The following MRPS5 variants were observed in gnomAD, a reference collection of about 807,000 sequenced individuals.
The protein encoded by MRPS5 is small ribosomal subunit protein uS5m.
MRPS5 carries 27 observed loss-of-function variants against 51.9 expected under a neutral mutation model. That is an observed-to-expected ratio of 0.52 (90% confidence interval 0.38 to 0.72). The LOEUF (loss-of-function observed/expected upper bound fraction) is 0.72, where lower values mean the gene tolerates loss of function less well. Ranked by LOEUF, MRPS5 falls within the 30% of genes least tolerant of loss-of-function variation. The probability of loss-of-function intolerance (pLI) is 0.00; values close to 1 mark genes in which losing one functional copy is unlikely to be tolerated. For synonymous variants in MRPS5, 196 were observed against 193.2 expected, an observed-to-expected ratio of 1.01 and a Z score of -0.12; for missense variants, 570 against 545.7, an observed-to-expected ratio of 1.04 and a Z score of -0.44.
At chr2:95,117,601 C>G (rs1304813671) in intron 2 of MRPS5, among the ~76,000 whole-genome samples, 2 of 149,806 alleles carry the variant, frequency 1.3e-5, no homozygotes, top group Admixed American at 1.3e-4. Flanking sequence ...CAGAAACTAC[C>G]CCGTAATTGT....
intron 5 of MRPS5, among the ~76,000 whole-genome samples, chr2:95,107,214 A>T (rs557414705): frequency 6.6e-6 from 1 of 152,328 alleles, no homozygotes; most frequent in East Asian, 1.9e-4. Flanking sequence ...ACTACATTGG[A>T]TAATTTGAAG....
At chr2:95,098,610 T>G (rs184212809) in intron 10 of MRPS5, among the ~76,000 whole-genome samples, 3 of 152,206 alleles carry the variant, frequency 2.0e-5, no homozygotes, top group Non-Finnish European at 4.4e-5. Context: ...CACCGCATGT[T>G]CTCACTCATA....
rs774743884 is a variant in MRPS5 at position 95,115,217 on chromosome 2, G to A, written c.140-14C>T. ...ATGACAAATGGCCTGTAGGCAGATG[G>A]GTTAAACTTTGAGTTAGATGTTTCA... On this transcript the variant is annotated splice_polypyrimidine_tract_variant and intron_variant, in intron 2 of 11. Coordinates refer to ENST00000272418, the MANE Select transcript of MRPS5 (RefSeq NM_031902.5). The A allele has an allele frequency of 1.3e-6, 2 of 1,568,502 alleles. No individual in the cohort carries two copies. Among genetic ancestry groups the A allele is most frequent in the Non-Finnish European group, 1.7e-6 (2 of 1,162,210 alleles).
In MRPS5 at chr2:95,086,838, A is replaced by G. The variant is rs1675304223; in HGVS notation, c.*519T>C. On this transcript the variant is annotated 3_prime_UTR_variant, in exon 12 of 12. Transcript: ENST00000272418. ...AAGATGTTCAACATCATCAGCCATC[A>G]GGGAAATACAAGTCAAAATTGCAAT... Among the ~76,000 whole-genome samples, 1 of 152,222 alleles carries G rather than the reference A, an allele frequency of 6.6e-6. No individual in the cohort carries two copies. The highest frequency in any genetic ancestry group is 6.5e-5 in the Admixed American group (1 of 15,284).
intron 3 of MRPS5, among the ~76,000 whole-genome samples, chr2:95,113,835 C>G (rs529358261): frequency 6.6e-6 from 1 of 151,838 alleles, no homozygotes; most frequent in African/African-American, 2.4e-5. Flanking sequence ...TTAAAAAAAG[C>G]AGAAGGCCAG....
chr2:95,101,671 A>T lies in MRPS5; in HGVS notation c.810+6T>A, dbSNP rs369436048. ...GAGTGTCAACAAAGAAAAAAAATGT[A>T]CATACTTTCCTGAAAGCATCCATCC... is the stretch of plus-strand genomic sequence containing the variant. On this transcript the variant is annotated splice_donor_region_variant and intron_variant, in intron 8 of 11. Transcript: ENST00000272418. The T allele has an allele frequency of 1.3e-6, 2 of 1,594,232 alleles. No individual in the cohort carries two copies. Among genetic ancestry groups the T allele is most frequent in the African/African-American group, 1.4e-5 (1 of 73,564 alleles).
At position 95,100,530 on chromosome 2, in the gene MRPS5, T is replaced by C. The variant is rs374396974; in HGVS notation, c.875A>G (p.His292Arg). The change falls in exon 10 of 12, where the codon CAT (histidine) becomes CGT (arginine). Residue 292 changes from histidine (H) to arginine (R), a missense_variant. His to Arg is a conservative substitution (Grantham distance 29, BLOSUM62 0). Coordinates refer to ENST00000272418, the MANE Select transcript of MRPS5 (RefSeq NM_031902.5). ...IERYEDHTIF[H>R]DISLRFKRTH... is the part of the protein sequence containing the mutation. The stretch of plus-strand genomic sequence containing the variant: ...CCTTTTAAATCTTAATGAAATATCA[T>C]GGAATACTGGAGGGTAAAAACATAA... 8.7e-6 allele frequency: 14 copies of C among 1,605,020 alleles called. No homozygotes were observed. Among genetic ancestry groups the C allele is most frequent in the Non-Finnish European group, 1.1e-5 (13 of 1,172,002 alleles).
rs762169993 is a variant in MRPS5 at position 95,110,025 on chromosome 2, C to T, written c.294G>A (p.Leu98=). 5 of 1,613,608 alleles carry T rather than the reference C, an allele frequency of 3.1e-6. No homozygotes were observed. The highest frequency in any genetic ancestry group is 3.4e-6 in the Non-Finnish European group (4 of 1,179,908). Residue 98 remains leucine (L), a synonymous_variant, in exon 4 of 12, where the codon CTG becomes CTA. Transcript: ENST00000272418. ...CAGTCTCTGCTAAAGCGCCTTTCCA[C>T]AGCTCATCTGCAGTCACTGTAACGA... The part of the protein sequence containing the change: ...SFFTKLTADE[L]WKGALAETGA...
At chr2:95,116,802 G>C (rs1315412576) in intron 2 of MRPS5, among the ~76,000 whole-genome samples, 1 of 152,176 alleles carries the variant, frequency 6.6e-6, no homozygotes, top group Admixed American at 6.5e-5. Flanking sequence ...TTTGAGGCCA[G>C]CCTGGCCAAC....
chr2:95,096,696 A>G (rs1419535625), intron 10 of MRPS5, among the ~76,000 whole-genome samples: 1 of 152,226 alleles, frequency 6.6e-6, no homozygotes, highest in Admixed American at 6.5e-5. Context: ...TCTCAAAATA[A>G]TAAGAGCTAT....
At chr2:95,108,649 T>C (rs1208539673) in intron 4 of MRPS5, among the ~76,000 whole-genome samples, 1 of 152,184 alleles carries the variant, frequency 6.6e-6, no homozygotes, top group Non-Finnish European at 1.5e-5. Context: ...GGACGTCCAC[T>C]GAAACATTAT....
At chr2:95,090,691 A>T in intron 10 of MRPS5, 169 bp from the exon 11 acceptor site, 2 of 633,486 alleles carry the variant, frequency 3.2e-6, no homozygotes, top group Non-Finnish European at 5.5e-6. Flanking sequence ...AACTTCCAAG[A>T]TGACACTTAC....
chr2:95,112,362 G>A (rs970820583), intron 3 of MRPS5, among the ~76,000 whole-genome samples: 31 of 151,986 alleles, frequency 2.0e-4, no homozygotes, highest in African/African-American at 6.8e-4. Flanking sequence ...CACTGCACCC[G>A]GCCTCATGTT....
chr2:95,104,573 A>G, intron 7 of MRPS5, 67 bp downstream of exon 7: 1 of 1,530,872 alleles, frequency 6.5e-7, no homozygotes, highest in East Asian at 2.2e-5. Flanking sequence ...TGGGCTCCAC[A>G]GCATGGCCCG....
intron 5 of MRPS5, among the ~76,000 whole-genome samples, chr2:95,107,466 G>C (rs1465096743): frequency 6.6e-6 from 1 of 152,134 alleles, no homozygotes; most frequent in Non-Finnish European, 1.5e-5. Context: ...GCTGTCATTA[G>C]GGACTTGGTT....
chr2:95,121,599 G>A (rs992561452), intron 1 of MRPS5, 135 bp downstream of exon 1: 4 of 962,942 alleles, frequency 4.2e-6, no homozygotes, highest in Admixed American at 6.4e-5. Context: ...GGCTCCGGCG[G>A]AAGGTGGGGG....
At chr2:95,096,926 G>A (rs1675644365) in intron 10 of MRPS5, among the ~76,000 whole-genome samples, 1 of 152,130 alleles carries the variant, frequency 6.6e-6, no homozygotes, top group Non-Finnish European at 1.5e-5. Context: ...ACATGATTGT[G>A]TATTTAGAAA....
intron 7 of MRPS5, 119 bp from the exon 8 acceptor site, chr2:95,101,842 C>A (rs1675813866): frequency 4.5e-6 from 3 of 663,784 alleles, no homozygotes; most frequent in Non-Finnish European, 5.2e-6. Flanking sequence ...CCACCACCCA[C>A]AAAAGACTTG....
At chr2:95,100,351 C>T in intron 10 of MRPS5, 123 bp downstream of exon 10, 1 of 674,612 alleles carries the variant, frequency 1.5e-6, no homozygotes, top group Non-Finnish European at 2.6e-6. Flanking sequence ...CTAACATAAG[C>T]CTTTTACATT....
Sources: allele counts gnomAD v4.1 joint callset (sites outside exome capture counted in the v4.1 genomes callset), GRCh38; gene constraint gnomAD v4.1.1; transcripts MANE v1.5; gene names NCBI Gene and HGNC (gene_info 2026-07-23, HGNC 2026-07-21).